IGF1R: variants seen among roughly 807,000 people sequenced by gnomAD.
IGF1R encodes the protein insulin-like growth factor 1 receptor.
A neutral mutation model predicts 144.6 loss-of-function variants in IGF1R; 44 were observed. The observed-to-expected ratio is 0.30, with a 90% CI of 0.24 to 0.39. The LOEUF (loss-of-function observed/expected upper bound fraction) is 0.39. Ranked by LOEUF, IGF1R falls within the 10% of genes least tolerant of loss-of-function variation. IGF1R has a pLI of 1.00. For missense variants in IGF1R, 1,355 were observed against 1,833.7 expected, an observed-to-expected ratio of 0.74 and a Z score of 4.77; for synonymous variants, 795 against 722.8, an observed-to-expected ratio of 1.10 and a Z score of -1.60.
At chr15:98,954,298 T>G (rs1167263655) in intron 20 of IGF1R, 2 of 151,650 alleles carry the variant, frequency 1.3e-5, no homozygotes, top group Non-Finnish European at 2.9e-5. Context: ...TCCATTTGAG[T>G]CTTGTCCCTG....
intron 20 of IGF1R, among the ~76,000 whole-genome samples, chr15:98,954,571 A>G (rs886638899): frequency 4.6e-5 from 7 of 152,160 alleles, no homozygotes; most frequent in African/African-American, 1.7e-4. Flanking sequence ...TTACTCTGGA[A>G]TGGTTTAAAA....
rs774762606 is a variant in IGF1R, at chr15:98,915,975, C to G, written c.1840C>G (p.Pro614Ala). ...IRTNASVPSI[P>A]LDVLSASNSS... ...GTTCCCCTCTCCAGTTCCTTCCATT[C>G]CCTTGGACGTTCTTTCAGCATCGAA... The change falls in exon 9 of 21, where the codon CCC becomes GCC. Residue 614 changes from proline to alanine, a missense_variant. Pro to Ala is a conservative substitution (Grantham distance 27). Coordinates refer to ENST00000650285, the MANE Select transcript of IGF1R (RefSeq NM_000875.5). 4 of 1,613,972 alleles carry G rather than the reference C, an allele frequency of 2.5e-6. No homozygotes were observed. Among genetic ancestry groups the G allele is most frequent in the Non-Finnish European group, 3.4e-6 (4 of 1,179,946 alleles).
At chr15:98,823,400 C>T (rs980536538) in intron 2 of IGF1R, among the ~76,000 whole-genome samples, 10 of 152,180 alleles carry the variant, frequency 6.6e-5, no homozygotes, top group African/African-American at 2.4e-4. Flanking sequence ...TTCCCTCTTC[C>T]CCTCCCACCA....
At chr15:98,676,966 C>T (rs955451508) in intron 1 of IGF1R, among the ~76,000 whole-genome samples, 9 of 151,834 alleles carry the variant, frequency 5.9e-5, no homozygotes, top group East Asian at 1.9e-4. Context: ...GACAGGGTCT[C>T]GCTCCGTTAC....
intron 2 of IGF1R, among the ~76,000 whole-genome samples, chr15:98,816,466 C>G (rs2141469019): frequency 6.6e-6 from 1 of 152,308 alleles, no homozygotes; most frequent in African/African-American, 2.4e-5. Context: ...CCTAGCCGGC[C>G]ATCACTCCCC....
At chr15:98,821,703 T>C (rs2056806864) in intron 2 of IGF1R, among the ~76,000 whole-genome samples, 1 of 152,228 alleles carries the variant, frequency 6.6e-6, no homozygotes. Flanking sequence ...GCTTTATTCA[T>C]GAAACCCGGA....
At chr15:98,767,719 C>G (rs936661938) in intron 2 of IGF1R, among the ~76,000 whole-genome samples, 1 of 152,084 alleles carries the variant, frequency 6.6e-6, no homozygotes, top group African/African-American at 2.4e-5. Context: ...ATAGAGCGCA[C>G]GAACAAAAAA....
Position 98,704,035 on chromosome 15 carries a change from C to T in IGF1R, c.95-3527C>T, listed in dbSNP as rs151270914. 5.6e-5 allele frequency among the ~76,000 whole-genome samples: 8 copies of T among 143,948 alleles called. No homozygotes were observed. The highest frequency in any genetic ancestry group is 7.5e-5 in the Non-Finnish European group (5 of 66,344). The allele number at this position is 143,948 out of a possible 152,430, so 94.4% of individuals were successfully genotyped here. The stretch of plus-strand genomic sequence containing the variant: ...GGTCACTTTTCGAAACTCAGGCACA[C>T]GACACACAGTTAATTTAGTGTCCCC... On this transcript the variant is annotated intron_variant, in intron 1 of 20. Transcript: ENST00000650285. This position sits in a 1 kb window ranked among gnomAD's most constrained non-coding sequence, Gnocchi z 4.9.
intron 1 of IGF1R, among the ~76,000 whole-genome samples, chr15:98,675,826 C>CTTTTTTTTTTTTTT (rs869068918): frequency 4.8e-4 from 22 of 46,150 alleles, no homozygotes; most frequent in African/African-American, 8.7e-4. Flanking sequence ...TTCTTTCTTT[C>CTTTTTTTTTTTTTT]TTTTTTTTTT....
At chr15:98,934,503 G>A (rs1331850220) in intron 15 of IGF1R, among the ~76,000 whole-genome samples, 1 of 152,114 alleles carries the variant, frequency 6.6e-6, no homozygotes, top group Non-Finnish European at 1.5e-5. Context: ...GTTTTTATGT[G>A]ATGAAAAGAA....
Position 98,813,140 on chromosome 15 carries a change from A to G in IGF1R, c.641-78185A>G, listed in dbSNP as rs540691755. The stretch of plus-strand genomic sequence containing the variant: ...TTAATCAAGCCTTTTTATTTTCCAT[A>G]CTTCTGATGCTTTGACATCTTGGGG... On this transcript the variant is annotated intron_variant, in intron 2 of 20. Coordinates refer to ENST00000650285, the MANE Select transcript of IGF1R (RefSeq NM_000875.5). Among the ~76,000 whole-genome samples the G allele has an allele frequency of 2.6e-5, 4 of 152,088 alleles. No homozygotes were observed. The South Asian group carries it at 8.3e-4, about 32-fold the overall frequency.
chr15:98,718,039 T>A (rs539407967), intron 2 of IGF1R, among the ~76,000 whole-genome samples: 1 of 152,288 alleles, frequency 6.6e-6, no homozygotes, highest in South Asian at 2.1e-4. Context: ...TTGTTTAGTT[T>A]CATTTTCCTC....
chr15:98,806,290 A>G (rs2056469352), intron 2 of IGF1R, among the ~76,000 whole-genome samples: 1 of 152,076 alleles, frequency 6.6e-6, no homozygotes, highest in African/African-American at 2.4e-5. Context: ...GTCTCTAAGA[A>G]GGTGGGACTC....
intron 3 of IGF1R, among the ~76,000 whole-genome samples, chr15:98,895,867 G>A (rs41449445): frequency 0.04 from 6,088 of 152,116 alleles, 207 homozygotes; most frequent in East Asian, 0.14. Context: ...CACACACATC[G>A]CATAAGTTCG....
At chr15:98,887,385 G>A (rs1415990152) in intron 2 of IGF1R, among the ~76,000 whole-genome samples, 1 of 151,282 alleles carries the variant, frequency 6.6e-6, no homozygotes, top group Non-Finnish European at 1.5e-5. Context: ...ATAACTATTT[G>A]CAAGCAAGTG....
At chr15:98,899,058 C>T (rs2014341418) in intron 4 of IGF1R, among the ~76,000 whole-genome samples, 1 of 152,198 alleles carries the variant, frequency 6.6e-6, no homozygotes, top group Non-Finnish European at 1.5e-5. Flanking sequence ...ATTAGAAAGG[C>T]AGCAAAGGCA....
At chr15:98,657,841 C>T (rs1161872751) in intron 1 of IGF1R, among the ~76,000 whole-genome samples, 1 of 152,190 alleles carries the variant, frequency 6.6e-6, no homozygotes, top group East Asian at 1.9e-4. Flanking sequence ...TGGGGAGACT[C>T]ATTAATTGAA....
Position 98,649,468 on chromosome 15 carries a change from G to T in IGF1R, c.-114G>T. 1 of 746,534 alleles carries T rather than the reference G, an allele frequency of 1.3e-6. No individual in the cohort carries two copies. Among genetic ancestry groups the T allele is most frequent in the South Asian group, 1.7e-5 (1 of 59,440 alleles). The allele number at this position is 746,534 out of a possible 1,614,324, so 46.2% of individuals were successfully genotyped here. A position where few individuals can be genotyped will look rare whatever the true frequency, so the allele number is the denominator to read the frequency against. On this transcript the variant is annotated 5_prime_UTR_variant, in exon 1 of 21. Transcript: ENST00000650285. ...TCCTTCGCCCTTGTTTTTGGAGGGG[G>T]AGCGAAGACTGAGTTTGAGACTTGT...
Position 98,933,040 on chromosome 15 carries a change from A to G in IGF1R, c.2957-1784A>G, listed in dbSNP as rs76701216. ...CCCAGGGTCAGCATCTGAAAGCATGAAAGCAAAAACAGGCACCTTCTCCAC... is the reference window on the plus strand; with the variant it reads ...CCCAGGGTCAGCATCTGAAAGCATGGAAGCAAAAACAGGCACCTTCTCCAC... On this transcript the variant is annotated intron_variant, in intron 15 of 20. Transcript: ENST00000650285. Among the ~76,000 whole-genome samples, 603 of 152,290 alleles carry G rather than the reference A, an allele frequency of 4.0e-3. 6 individuals are homozygous for G. Among genetic ancestry groups the G allele is most frequent in the African/African-American group, 0.013 (555 of 41,562 alleles).
Sources: gnomAD v4.1 joint callset for allele counts (sites outside exome capture counted in the v4.1 genomes callset) on GRCh38, gnomAD v4.1.1 for gene constraint, Gnocchi (gnomAD v3.1) non-coding constraint, MANE v1.5 for transcripts, NCBI Gene and HGNC (gene_info 2026-07-23, HGNC 2026-07-21) for gene names.